The following GAD2 variants were observed in gnomAD, a reference collection of about 807,000 sequenced individuals.
GAD2 encodes the protein 65 kDa glutamic acid decarboxylase.
A neutral mutation model predicts 80.1 loss-of-function variants in GAD2; 22 were observed. The ratio of observed to expected loss-of-function variants is 0.27; its 90% confidence interval spans 0.20 to 0.39. The LOEUF (loss-of-function observed/expected upper bound fraction) is 0.39. GAD2 is among the 10% of genes least tolerant of loss of function. GAD2 has a pLI of 1.00. For synonymous variants in GAD2, 274 were observed against 256.9 expected, an observed-to-expected ratio of 1.07 and a Z score of -0.64; for missense variants, 624 against 738.4, an observed-to-expected ratio of 0.85 and a Z score of 1.80.
intron 8 of GAD2, among the ~76,000 whole-genome samples, chr10:26,251,521 A>G (rs140475498): frequency 6.1e-4 from 93 of 152,350 alleles, no homozygotes; most frequent in African/African-American, 2.2e-3. Context: ...CAATCCGACA[A>G]TGGGATAAGT....
At chr10:26,280,161 C>G (rs919248413) in intron 11 of GAD2, among the ~76,000 whole-genome samples, 2 of 152,168 alleles carry the variant, frequency 1.3e-5, no homozygotes, top group Non-Finnish European at 2.9e-5. Context: ...GCCACTGGAG[C>G]AGGGGCACAC....
At chr10:26,281,918 G>T (rs2132312686) in intron 12 of GAD2, among the ~76,000 whole-genome samples, 1 of 152,248 alleles carries the variant, frequency 6.6e-6, no homozygotes, top group South Asian at 2.1e-4. Context: ...CAGATTAAAA[G>T]AAATTTTAAA....
chr10:26,249,074 G>C (rs368168441), intron 8 of GAD2, among the ~76,000 whole-genome samples: 1 of 151,922 alleles, frequency 6.6e-6, no homozygotes, highest in South Asian at 2.1e-4. Flanking sequence ...TTTTTTTGGC[G>C]GGGGAGGGGA....
chr10:26,256,074 G>A (rs984646874), intron 8 of GAD2, among the ~76,000 whole-genome samples: 3 of 151,988 alleles, frequency 2.0e-5, no homozygotes, highest in African/African-American at 7.3e-5. Flanking sequence ...CAAATTTAAA[G>A]GAAAATTGCA....
At chr10:26,224,194 G>A (rs1284910959) in intron 5 of GAD2, among the ~76,000 whole-genome samples, 2 of 151,902 alleles carry the variant, frequency 1.3e-5, no homozygotes, top group African/African-American at 2.4e-5. Context: ...ATACAAAAGA[G>A]ACTTTTTTCT....
At position 26,285,145 on chromosome 10, in the gene GAD2, A is replaced by G. The variant is rs1230280485; in HGVS notation, c.1237-1200A>G. 5.3e-5 allele frequency among the ~76,000 whole-genome samples: 8 copies of G among 152,340 alleles called. No individual in the cohort carries two copies. The East Asian group carries it at 1.4e-3, about 26-fold the overall frequency. ...ATTTCTACTGATCTAATACAAATAC[A>G]TCGTATTTAATTTTTCTTATTCTGA... On this transcript the variant is annotated intron_variant, in intron 12 of 15. Transcript: ENST00000376261.
chr10:26,292,770 T>A (rs1834230770), intron 14 of GAD2, 132 bp from the exon 15 acceptor site: 1 of 890,454 alleles, frequency 1.1e-6, no homozygotes, highest in African/African-American at 1.7e-5. Flanking sequence ...AATCATGCCC[T>A]CCAATGGCAA....
At chr10:26,279,070 G>T (rs1160507494) in intron 11 of GAD2, among the ~76,000 whole-genome samples, 4 of 151,968 alleles carry the variant, frequency 2.6e-5, no homozygotes, top group Non-Finnish European at 5.9e-5. Flanking sequence ...TGCCACTCAT[G>T]AAACTCCACT....
At chr10:26,297,151 G>A (rs1026848211) in intron 15 of GAD2, among the ~76,000 whole-genome samples, 1 of 151,932 alleles carries the variant, frequency 6.6e-6, no homozygotes, top group African/African-American at 2.4e-5. Flanking sequence ...GGTCTCGAAC[G>A]CCTGACCTTA....
chr10:26,275,029 C>T (rs1355149598), intron 11 of GAD2, among the ~76,000 whole-genome samples: 1 of 152,230 alleles, frequency 6.6e-6, no homozygotes, highest in African/African-American at 2.4e-5. Context: ...AGTGCCAGGC[C>T]TCTGCTCTTG....
Position 26,216,871 on chromosome 10 carries a change from A to G in GAD2, c.62A>G (p.Glu21Gly). 1 of 1,611,200 alleles carries G rather than the reference A, an allele frequency of 6.2e-7. No individual in the cohort carries two copies. Among genetic ancestry groups the G allele is most frequent in the Non-Finnish European group, 8.5e-7 (1 of 1,178,862 alleles). Residue 21 changes from glutamate to glycine, a missense_variant, in exon 1 of 16, where the codon GAG (glutamate) becomes GGG (glycine). Coordinates refer to ENST00000376261, the MANE Select transcript of GAD2 (RefSeq NM_001134366.2). This position sits in a 1 kb window ranked among gnomAD's most constrained non-coding sequence, Gnocchi z 4.7. ...TCGGAAGATGGCTCTGGGGATTCCG[A>G]GAATCCCGGCACAGGTAGGAAGGAG... ...FGSEDGSGDS[E>G]NPGTARAWCQ...
Position 26,302,501 on chromosome 10 carries a change from G to A in GAD2, c.*1540G>A, listed in dbSNP as rs1486460395. On this transcript the variant is annotated 3_prime_UTR_variant, in exon 16 of 16. Coordinates refer to ENST00000376261, the MANE Select transcript of GAD2 (RefSeq NM_001134366.2). ...GGGGTCACACATCGTCAGATTCCAAGTGCTGATTGGAGAACAATAGATTGA... is the reference window on the plus strand; with the variant it reads ...GGGGTCACACATCGTCAGATTCCAAATGCTGATTGGAGAACAATAGATTGA... 1.3e-5 allele frequency: 2 copies of A among 152,204 alleles called. No homozygotes were observed. The highest frequency in any genetic ancestry group is 2.9e-5 in the Non-Finnish European group (2 of 68,042). 9.4% of individuals were successfully genotyped at this position (152,204 alleles called of 1,614,324 possible).
chr10:26,260,110 T>C (rs138695342), intron 8 of GAD2, among the ~76,000 whole-genome samples: 171 of 152,276 alleles, frequency 1.1e-3, no homozygotes, highest in African/African-American at 4.0e-3. Flanking sequence ...TATTTACTGA[T>C]TAGAAATTTG....
At chr10:26,292,391 C>A in intron 13 of GAD2, 74 bp from the exon 14 acceptor site, 2 of 1,066,118 alleles carry the variant, frequency 1.9e-6, no homozygotes, top group Non-Finnish European at 2.9e-6. Flanking sequence ...GGCAGGATGA[C>A]GGTCAGTCTC....
chr10:26,232,364 T>A, intron 7 of GAD2, among the ~76,000 whole-genome samples: 1 of 152,102 alleles, frequency 6.6e-6, no homozygotes, highest in East Asian at 1.9e-4. Context: ...CTCAGCCTCA[T>A]GCTTTATGTA....
intron 8 of GAD2, among the ~76,000 whole-genome samples, chr10:26,251,039 C>A (rs557902861): frequency 1.4e-5 from 2 of 146,784 alleles, no homozygotes; most frequent in South Asian, 4.3e-4. Flanking sequence ...ACCACCATGC[C>A]CGGCATTTTT....
intron 7 of GAD2, among the ~76,000 whole-genome samples, chr10:26,237,382 T>C (rs1378425006): frequency 2.0e-5 from 3 of 152,080 alleles, no homozygotes; most frequent in African/African-American, 7.2e-5. Flanking sequence ...CCTCCTCATC[T>C]GTAAAATGGG....
At chr10:26,239,341 G>A (rs1401994372) in intron 7 of GAD2, among the ~76,000 whole-genome samples, 1 of 152,160 alleles carries the variant, frequency 6.6e-6, no homozygotes, top group Non-Finnish European at 1.5e-5. Context: ...CCTCCAGCTT[G>A]GGCAGGACCC....
At chr10:26,237,568 C>A (rs1019145796) in intron 7 of GAD2, among the ~76,000 whole-genome samples, 1 of 151,926 alleles carries the variant, frequency 6.6e-6, no homozygotes, top group Non-Finnish European at 1.5e-5. Context: ...GAGTCGGGGC[C>A]AGTGATTTCC....
Sources: gnomAD v4.1 joint callset for allele counts (sites outside exome capture counted in the v4.1 genomes callset) on GRCh38, gnomAD v4.1.1 for gene constraint, Gnocchi (gnomAD v3.1) non-coding constraint, MANE v1.5 for transcripts, NCBI Gene and HGNC (gene_info 2026-07-23, HGNC 2026-07-21) for gene names.